Variants in KMO observed in about 807,000 individuals in gnomAD.
KMO encodes the protein kynurenine 3-monooxygenase, also known as kynurenine 3-hydroxylase.
In KMO, 24 loss-of-function variants were observed where a neutral mutation model predicts 57.8. The ratio of observed to expected loss-of-function variants is 0.42; its 90% CI spans 0.30 to 0.58. The LOEUF is 0.58. Ranked by LOEUF, KMO falls within the 20% of genes least tolerant of loss-of-function variation. KMO has a pLI of 0.22. For synonymous variants in KMO, 210 were observed against 193.6 expected (o/e 1.08, Z -0.70); for missense variants, 483 against 588.2 (o/e 0.82, Z 1.85).
intron 8 of KMO, 101 bp from the exon 9 acceptor site, chr1:241,566,388 AGC>A: frequency 1.3e-6 from 1 of 786,210 alleles, no homozygotes; most frequent in Non-Finnish European, 1.8e-6. Flanking sequence ...TCCTTCCAAA[AGC>A]TCCCTGGTCA....
At chr1:241,568,686 C>G in intron 10 of KMO, 39 bp downstream of exon 10, 1 of 1,593,704 alleles carries the variant, frequency 6.3e-7, no homozygotes, top group Non-Finnish European at 8.6e-7. Context: ...TCAAATACTT[C>G]TGGGTCAGTC....
chr1:241,561,901 G>A (rs570410197), intron 6 of KMO, among the ~76,000 whole-genome samples: 3 of 152,290 alleles, frequency 2.0e-5, no homozygotes, highest in Admixed American at 2.0e-4. Context: ...CCTTCATGCA[G>A]AAATCTCAAA....
In KMO at chr1:241,588,741, C is replaced by T; in HGVS notation, c.1016-7C>T. 1 of 1,604,198 alleles carries T rather than the reference C, an allele frequency of 6.2e-7. No individual in the cohort carries two copies. The highest frequency in any genetic ancestry group is 2.2e-5 in the East Asian group (1 of 44,720). ...GGTTTTGGAAAGATGTATTATTTAA[C>T]TTACAGGTTTGTGTCTTCCTGTGTT... On this transcript the variant is annotated splice_polypyrimidine_tract_variant and splice_region_variant and intron_variant, in intron 11 of 14. Transcript: ENST00000366559.
At chr1:241,556,324 C>T (rs1189940273) in intron 5 of KMO, among the ~76,000 whole-genome samples, 1 of 151,944 alleles carries the variant, frequency 6.6e-6, no homozygotes, top group African/African-American at 2.4e-5. Flanking sequence ...TTTTTAAAGG[C>T]AGAGTCTTTC....
At chr1:241,540,662 A>C (rs1240186158) in intron 1 of KMO, among the ~76,000 whole-genome samples, 1 of 152,204 alleles carries the variant, frequency 6.6e-6, no homozygotes, top group Non-Finnish European at 1.5e-5. Context: ...TTGGGATCAC[A>C]TGTAAGAATC....
intron 1 of KMO, among the ~76,000 whole-genome samples, chr1:241,536,053 T>C (rs994684910): frequency 6.6e-6 from 1 of 152,206 alleles, no homozygotes; most frequent in Non-Finnish European, 1.5e-5. Context: ...TGTGCATGAG[T>C]TTGATTTCAG....
intron 10 of KMO, among the ~76,000 whole-genome samples, chr1:241,575,202 T>C (rs969293403): frequency 3.3e-5 from 5 of 152,102 alleles, no homozygotes; most frequent in African/African-American, 7.2e-5. Context: ...ATTTTGATTG[T>C]CTTTTCAAAG....
At chr1:241,560,520 A>G (rs1165591163) in intron 5 of KMO, 145 bp from the exon 6 acceptor site, 3 of 619,184 alleles carry the variant, frequency 4.8e-6, no homozygotes, top group Non-Finnish European at 8.7e-6. Context: ...TTGTCAAATT[A>G]CCATTTAAGT....
chr1:241,585,004 T>C (rs1341999461), intron 10 of KMO, among the ~76,000 whole-genome samples: 2 of 152,002 alleles, frequency 1.3e-5, no homozygotes, highest in Non-Finnish European at 2.9e-5. Flanking sequence ...GACAGGTGGA[T>C]CACTTGAGGT....
At position 241,566,672 on chromosome 1, in the gene KMO, G is replaced by T; in HGVS notation, c.809+60G>T. ...TTTAATTATTCCAAATTCAAATAAA[G>T]GTTATGCACCTGATTTCAGTTTGGG... On this transcript the variant is annotated intron_variant, in intron 9 of 14. Coordinates refer to ENST00000366559, the MANE Select transcript of KMO (RefSeq NM_003679.5). The T allele has an allele frequency of 1.9e-6, 3 of 1,579,128 alleles. No individual in the cohort carries two copies. The South Asian group carries it at 3.3e-5, about 18-fold the overall frequency.
At chr1:241,555,716 AT>A in intron 5 of KMO, 56 bp downstream of exon 5, 1 of 999,588 alleles carries the variant, frequency 1.0e-6, no homozygotes, top group Non-Finnish European at 1.6e-6. Context: ...CATGACACTA[AT>A]CTTGTCATAT....
At chr1:241,562,536 T>A (rs1264073923) in intron 7 of KMO, among the ~76,000 whole-genome samples, 1 of 152,176 alleles carries the variant, frequency 6.6e-6, no homozygotes, top group Non-Finnish European at 1.5e-5. Context: ...ATATGCTTTC[T>A]GGAGTGAAAA....
intron 6 of KMO, 57 bp from the exon 7 acceptor site, chr1:241,562,110 T>A: frequency 2.0e-6 from 3 of 1,463,758 alleles, no homozygotes; most frequent in Non-Finnish European, 2.8e-6. Context: ...CAGAGGTACA[T>A]CATCATTTTC....
At chr1:241,574,621 T>C (rs1352657786) in intron 10 of KMO, among the ~76,000 whole-genome samples, 2 of 152,086 alleles carry the variant, frequency 1.3e-5, no homozygotes, top group African/African-American at 4.8e-5. Flanking sequence ...TGAAATCCAC[T>C]TGAACATAGT....
chr1:241,561,687 GAAT>G (rs1291785130), intron 6 of KMO, among the ~76,000 whole-genome samples: 2 of 152,152 alleles, frequency 1.3e-5, no homozygotes, highest in Non-Finnish European at 2.9e-5. Flanking sequence ...CCTTTTGCCA[GAAT>G]AATGTTTTAA....
At chr1:241,569,948 T>C (rs549869275) in intron 10 of KMO, among the ~76,000 whole-genome samples, 1 of 152,222 alleles carries the variant, frequency 6.6e-6, no homozygotes, top group South Asian at 2.1e-4. Context: ...TTTGTATGTC[T>C]TCTTTTGAGA....
Position 241,593,064 on chromosome 1 carries a change from C to T in KMO, c.*911C>T, listed in dbSNP as rs45614438. ...TACAGGGATTAGAGTTGTGAGCCAC[C>T]GCTGCCAGCCCAGAGTTACCCTCTA... On this transcript the variant is annotated 3_prime_UTR_variant, in exon 15 of 15. Coordinates refer to ENST00000366559, the MANE Select transcript of KMO (RefSeq NM_003679.5). 0.011 allele frequency: 2,017 copies of T among 189,576 alleles called. 33 individuals carry two copies. Among genetic ancestry groups the T allele is most frequent in the East Asian group, 0.054 (468 of 8,718 alleles). 11.7% of individuals were successfully genotyped at this position (189,576 alleles called of 1,614,324 possible). A position where few individuals can be genotyped will look rare whatever the true frequency, so the allele number is the denominator to read the frequency against.
At chr1:241,537,787 G>T (rs116747443) in intron 1 of KMO, among the ~76,000 whole-genome samples, 3,980 of 152,174 alleles carry the variant, frequency 0.026, 76 homozygotes, top group Middle Eastern at 0.062. Flanking sequence ...GATTTCATGA[G>T]ACTCATTCAC....
At position 241,562,343 on chromosome 1, in the gene KMO, G is replaced by C; in HGVS notation, c.615+11G>C. 6.2e-7 allele frequency: 1 copy of C among 1,613,392 alleles called. No individual in the cohort carries two copies. Among genetic ancestry groups the C allele is most frequent in the East Asian group, 2.2e-5 (1 of 44,866 alleles). On this transcript the variant is annotated intron_variant, in intron 7 of 14. Transcript: ENST00000366559. ...CCTAAGAACGGAGATGTAAGTCCTTGCCCTTTTTCAACCCCTTCCCACAAC... is the reference window on the plus strand; with the variant it reads ...CCTAAGAACGGAGATGTAAGTCCTTCCCCTTTTTCAACCCCTTCCCACAAC...
Sources: allele counts gnomAD v4.1 joint callset (sites outside exome capture counted in the v4.1 genomes callset), GRCh38; gene constraint gnomAD v4.1.1; transcripts MANE v1.5; gene names NCBI Gene and HGNC (gene_info 2026-07-23, HGNC 2026-07-21).